The following PCDHA4 variants were observed in gnomAD, a reference collection of about 807,000 sequenced individuals.
PCDHA4 encodes the protein protocadherin alpha-4.
A neutral mutation model predicts 61.4 loss-of-function variants in PCDHA4; 49 were observed. The ratio of observed to expected loss-of-function variants is 0.80; its 90% CI spans 0.63 to 1.01. PCDHA4 has a LOEUF of 1.01. Among genes scored for constraint, PCDHA4 ranks in the 50% least tolerant of loss-of-function variants. The pLI, the probability that PCDHA4 is intolerant of heterozygous loss-of-function variation, is 0.00. For synonymous variants in PCDHA4, 590 were observed against 550.3 expected (o/e 1.07, Z -1.01); for missense variants, 1,254 against 1,235.8 (o/e 1.01, Z -0.22).
intron 1 of PCDHA4, chr5:140,848,514 G>A (rs1356493144): frequency 6.3e-7 from 1 of 1,590,674 alleles, no homozygotes; most frequent in Non-Finnish European, 8.6e-7. Context: ...CTCAAGTCGA[G>A]GAGATCCAGA....
intron 1 of PCDHA4, chr5:140,927,491 T>G (rs2084266726): frequency 1.2e-6 from 2 of 1,614,118 alleles, no homozygotes; most frequent in Non-Finnish European, 1.7e-6. Flanking sequence ...GCCACCCACC[T>G]GCTGGTGCTT....
rs114635096 is a variant in PCDHA4 at position 140,845,857 on chromosome 5, A to G, written c.2385+36285A>G. Among the ~76,000 whole-genome samples the G allele has an allele frequency of 6.1e-4, 91 of 149,958 alleles. 1 individual carries two copies. The highest frequency in any genetic ancestry group is 2.1e-3 in the African/African-American group (88 of 41,030). Reference sequence around the variant, plus strand: ...ATTCTTAAGAGAAAAGAAGTTAGTGATTGCAGAAAGGCAACCTAAAATGTC... The same window carrying G: ...ATTCTTAAGAGAAAAGAAGTTAGTGGTTGCAGAAAGGCAACCTAAAATGTC... On this transcript the variant is annotated intron_variant, in intron 1 of 3. Coordinates refer to ENST00000530339, the MANE Select transcript of PCDHA4 (RefSeq NM_018907.4).
At chr5:140,896,430 T>C (rs543866183) in intron 1 of PCDHA4, among the ~76,000 whole-genome samples, 41 of 152,158 alleles carry the variant, frequency 2.7e-4, no homozygotes, top group Non-Finnish European at 4.4e-4. Context: ...CCATTCTGAC[T>C]GGTGTGACTG....
intron 1 of PCDHA4, among the ~76,000 whole-genome samples, chr5:140,925,600 A>G (rs1489455075): frequency 6.6e-6 from 1 of 151,508 alleles, no homozygotes; most frequent in African/African-American, 2.4e-5. Context: ...TACATATGTA[A>G]CAAACCTGCA....
intron 1 of PCDHA4, chr5:140,875,720 T>C (rs1554167893): frequency 1.9e-6 from 3 of 1,614,092 alleles, no homozygotes; most frequent in Non-Finnish European, 1.7e-6. Context: ...CAGAATGGCA[T>C]TTTGTTTGTG....
intron 3 of PCDHA4, among the ~76,000 whole-genome samples, chr5:140,986,867 C>A (rs1238623584): frequency 6.6e-6 from 1 of 152,140 alleles, no homozygotes; most frequent in Non-Finnish European, 1.5e-5. Flanking sequence ...TACCCGGAAA[C>A]TTGTTAGAAA....
At chr5:140,971,732 T>C (rs1554233582) in intron 1 of PCDHA4, among the ~76,000 whole-genome samples, 2 of 151,638 alleles carry the variant, frequency 1.3e-5, no homozygotes, top group African/African-American at 4.8e-5. Flanking sequence ...ATCATACATA[T>C]ACACATACAT....
chr5:140,890,068 T>C (rs1353953909), intron 1 of PCDHA4, among the ~76,000 whole-genome samples: 2 of 152,196 alleles, frequency 1.3e-5, no homozygotes, highest in African/African-American at 4.8e-5. Flanking sequence ...TTTACTGGCT[T>C]ATGAGAACTG....
At chr5:140,933,833 A>C (rs944428844) in intron 1 of PCDHA4, among the ~76,000 whole-genome samples, 1 of 151,928 alleles carries the variant, frequency 6.6e-6, no homozygotes, top group Non-Finnish European at 1.5e-5. Flanking sequence ...TATTGCTCCT[A>C]TTTCATTCCT....
At chr5:140,831,708 G>A (rs2150196932) in intron 1 of PCDHA4, among the ~76,000 whole-genome samples, 10 of 152,148 alleles carry the variant, frequency 6.6e-5, no homozygotes, top group Admixed American at 5.2e-4. Context: ...TAGTGATTAA[G>A]TGTGAGTTTT....
chr5:140,946,631 T>TATATATATATATATATATACAC lies in PCDHA4; in HGVS notation c.2386-32317_2386-32316insTATATATATATATATATACACA, dbSNP rs57893927. Among the ~76,000 whole-genome samples the TATATATATATATATATATACAC allele has an allele frequency of 6.1e-4, 80 of 131,840 alleles. 1 individual carries two copies. The East Asian group carries it at 6.6e-3, about 11-fold the overall frequency. The allele number at this position is 131,840 out of a possible 152,430, so 86.5% of individuals were successfully genotyped here. A position where few individuals can be genotyped will look rare whatever the true frequency, so the allele number is the denominator to read the frequency against. ...TGTGAAATATATATATATATATATATACAATGGAATACTCATCAGCCATTA... is the reference window on the plus strand; with the variant it reads ...TGTGAAATATATATATATATATATATATATATATATATATATATACACACAATGGAATACTCATCAGCCATTA... On this transcript the variant is annotated intron_variant, in intron 1 of 3. Transcript: ENST00000530339.
chr5:140,890,452 G>A (rs72800989), intron 1 of PCDHA4, among the ~76,000 whole-genome samples: 2,230 of 151,860 alleles, frequency 0.015, 28 homozygotes, highest in Non-Finnish European at 0.022. Context: ...GATATCTTTA[G>A]GCACAAATAT....
chr5:140,929,234 G>A (rs781843995), intron 1 of PCDHA4: 1 of 1,613,838 alleles, frequency 6.2e-7, no homozygotes, highest in Non-Finnish European at 8.5e-7. Flanking sequence ...GCCGACCTGC[G>A]AAATCTTGCC....
chr5:140,941,251 C>CT (rs1177440606), intron 1 of PCDHA4, among the ~76,000 whole-genome samples: 1 of 121,786 alleles, frequency 8.2e-6, no homozygotes, highest in Non-Finnish European at 1.8e-5. Context: ...TTCTTTCTTT[C>CT]TTTCTCTTTC....
Position 140,809,421 on chromosome 5 carries a change from T to TG in PCDHA4, c.2238dup (p.Ser747GlufsTer16). 1 of 1,614,034 alleles carries TG rather than the reference T, an allele frequency of 6.2e-7. No homozygotes were observed. Among genetic ancestry groups the TG allele is most frequent in the East Asian group, 2.2e-5 (1 of 44,868 alleles). On this transcript the variant is annotated frameshift_variant, in exon 1 of 4. Coordinates refer to ENST00000530339, the MANE Select transcript of PCDHA4 (RefSeq NM_018907.4). LOFTEE classifies it high-confidence loss of function. Reference sequence around the variant, plus strand: ...CCCACGCTGGTGTGCTCCAGTGCGGTGGGGAGCTGGTCATACTCGCAGCAG... The same window carrying TG: ...CCCACGCTGGTGTGCTCCAGTGCGGTGGGGGAGCTGGTCATACTCGCAGCAG...
chr5:140,995,529 C>G (rs1191657600), intron 3 of PCDHA4, among the ~76,000 whole-genome samples: 1 of 152,078 alleles, frequency 6.6e-6, no homozygotes, highest in East Asian at 1.9e-4. Flanking sequence ...GAAATCAAAC[C>G]TCAAATAAGG....
intron 1 of PCDHA4, among the ~76,000 whole-genome samples, chr5:140,935,731 T>C (rs923257790): frequency 2.6e-5 from 4 of 152,202 alleles, no homozygotes; most frequent in Non-Finnish European, 4.4e-5. Context: ...AGAAGTCTAG[T>C]ATCTATTATT....
chr5:140,845,778 A>G (rs190937688), intron 1 of PCDHA4, among the ~76,000 whole-genome samples: 1 of 149,842 alleles, frequency 6.7e-6, no homozygotes, highest in East Asian at 1.9e-4. Context: ...GTTATAAATT[A>G]TTAATAATAA....
At chr5:140,907,882 G>A (rs895415928) in intron 1 of PCDHA4, among the ~76,000 whole-genome samples, 1 of 152,168 alleles carries the variant, frequency 6.6e-6, no homozygotes, top group African/African-American at 2.4e-5. Flanking sequence ...GCACTCACAT[G>A]GGATACAAAT....
Sources: allele counts gnomAD v4.1 joint callset (sites outside exome capture counted in the v4.1 genomes callset), GRCh38; gene constraint gnomAD v4.1.1; transcripts MANE v1.5; gene names NCBI Gene and HGNC (gene_info 2026-07-23, HGNC 2026-07-21).